Variants in PLB1 observed in about 807,000 individuals in gnomAD.
The protein encoded by PLB1 is phospholipase B1, membrane-associated.
A neutral mutation model predicts 227.4 loss-of-function variants in PLB1; 242 were observed. The observed-to-expected ratio is 1.06, with a 90% CI of 0.96 to 1.18. PLB1 has a LOEUF of 1.18. Among genes scored for constraint, PLB1 ranks in the 50% most tolerant of loss-of-function variants. The pLI is 0.00. For synonymous variants in PLB1, 757 were observed against 682.2 expected, an observed-to-expected ratio of 1.11 and a Z score of -1.71; for missense variants, 1,858 against 1,816.3, an observed-to-expected ratio of 1.02 and a Z score of -0.42.
At chr2:28,596,233 C>T (rs1347105939) in intron 33 of PLB1, among the ~76,000 whole-genome samples, 1 of 152,174 alleles carries the variant, frequency 6.6e-6, no homozygotes, top group Non-Finnish European at 1.5e-5. Context: ...AAATGATATC[C>T]ATCTGAAGGG....
At chr2:28,635,452 A>G (rs1310088793) in intron 56 of PLB1, among the ~76,000 whole-genome samples, 1 of 152,198 alleles carries the variant, frequency 6.6e-6, no homozygotes, top group Non-Finnish European at 1.5e-5. Flanking sequence ...AAGGGGGATT[A>G]CAGACCAGGT....
intron 39 of PLB1, 114 bp downstream of exon 39, chr2:28,603,035 T>C: frequency 1.1e-6 from 1 of 894,150 alleles, no homozygotes; most frequent in Non-Finnish European, 1.7e-6. Context: ...TGTGTCCAAG[T>C]CTGTAAAGGA....
chr2:28,566,966 G>GA (rs1677047823), intron 20 of PLB1, 127 bp downstream of exon 20: 1 of 1,107,968 alleles, frequency 9.0e-7, no homozygotes, highest in African/African-American at 1.5e-5. Context: ...TTCACCAGGG[G>GA]GCGCTGCCTC....
At chr2:28,630,857 G>C (rs1396484067) in intron 54 of PLB1, among the ~76,000 whole-genome samples, 193 bp downstream of exon 54, 1 of 152,124 alleles carries the variant, frequency 6.6e-6, no homozygotes, top group Non-Finnish European at 1.5e-5. Context: ...CCCCAAAGTG[G>C]AAGCTGAGAA....
In PLB1 at chr2:28,589,666, G is replaced by A. The variant is rs372137863; in HGVS notation, c.1921-9G>A. ...TATAACTGCCTCTCTTTTTCTGCCCGGTGACCAGGAAGGATTGCCTGACAA... is the reference window on the plus strand; with the variant it reads ...TATAACTGCCTCTCTTTTTCTGCCCAGTGACCAGGAAGGATTGCCTGACAA... On this transcript the variant is annotated splice_polypyrimidine_tract_variant and intron_variant, in intron 27 of 57. Transcript: ENST00000327757. The A allele has an allele frequency of 2.4e-5, 39 of 1,613,596 alleles. No individual in the cohort carries two copies. Among genetic ancestry groups the A allele is most frequent in the Non-Finnish European group, 2.9e-5 (34 of 1,179,718 alleles).
Position 28,629,147 on chromosome 2 carries a change from C to T in PLB1, c.3780C>T (p.Tyr1260=). 6.2e-7 allele frequency: 1 copy of T among 1,613,858 alleles called. No individual in the cohort carries two copies. Among genetic ancestry groups the T allele is most frequent in the Non-Finnish European group, 8.5e-7 (1 of 1,179,896 alleles). Residue 1260 remains tyrosine, a synonymous_variant, in exon 53 of 58, where the codon TAC becomes TAT. Transcript: ENST00000327757. ...AGGTCATGGAGCTGGCTAGCCTGTACCAGGGCCAAGGCGGGAAATGTGCCA... is the reference window on the plus strand; with the variant it reads ...AGGTCATGGAGCTGGCTAGCCTGTATCAGGGCCAAGGCGGGAAATGTGCCA... ...VVEVMELASL[Y]QGQGGKCAML...
At chr2:28,567,500 T>C (rs1356943339) in intron 20 of PLB1, among the ~76,000 whole-genome samples, 1 of 125,484 alleles carries the variant, frequency 8.0e-6, no homozygotes, top group Admixed American at 9.1e-5. Flanking sequence ...TGAGATGGAG[T>C]CTCACTCTGT....
rs6738334 is a variant in PLB1 at position 28,644,062 on chromosome 2, A to G, written c.*1001A>G. Among the ~76,000 whole-genome samples the G allele has an allele frequency of 0.41, 62,298 of 152,146 alleles. 12,931 individuals carry two copies. The highest frequency in any genetic ancestry group is 0.48 in the African/African-American group (19,768 of 41,504). ...ACACCGTGAATGTACTAAACGCCGC[A>G]AATTGTTCCATTTAAAATGATTAAT... On this transcript the variant is annotated 3_prime_UTR_variant, in exon 58 of 58. Coordinates refer to ENST00000327757, the MANE Select transcript of PLB1 (RefSeq NM_153021.5).
intron 21 of PLB1, 63 bp from the exon 22 acceptor site, chr2:28,578,044 C>T: frequency 6.6e-7 from 1 of 1,521,268 alleles, no homozygotes; most frequent in South Asian, 1.1e-5. Context: ...TTGCTGTTCT[C>T]TCTGCTAAGG....
intron 16 of PLB1, among the ~76,000 whole-genome samples, chr2:28,551,670 C>G (rs1291447148): frequency 6.6e-6 from 1 of 152,206 alleles, no homozygotes. Context: ...CTTATGGGCT[C>G]TGTGTCAATG....
Position 28,569,389 on chromosome 2 carries a change from A to T in PLB1, c.1324+2550A>T, listed in dbSNP as rs370357413. Reference sequence around the variant, plus strand: ...CCCTGCTCTCAGGATGGCTCAGCCAAGTTGGAAAGATGAAAAAGTGAAAAG... The same window carrying T: ...CCCTGCTCTCAGGATGGCTCAGCCATGTTGGAAAGATGAAAAAGTGAAAAG... On this transcript the variant is annotated intron_variant, in intron 20 of 57. Transcript: ENST00000327757. Among the ~76,000 whole-genome samples, 5 of 152,310 alleles carry T rather than the reference A, an allele frequency of 3.3e-5. No homozygotes were observed. In the East Asian group the frequency reaches 9.6e-4, roughly 29 times the overall value.
intron 1 of PLB1, among the ~76,000 whole-genome samples, chr2:28,501,183 CCTT>C (rs756034699): frequency 5.9e-5 from 9 of 152,224 alleles, no homozygotes; most frequent in Admixed American, 5.2e-4. Flanking sequence ...TTTTTCATCT[CCTT>C]CTTTCATTCC....
chr2:28,631,426 G>A (rs1232489280), intron 54 of PLB1, among the ~76,000 whole-genome samples: 1 of 152,150 alleles, frequency 6.6e-6, no homozygotes, highest in Non-Finnish European at 1.5e-5. Context: ...CATTCAGTCT[G>A]TACTTGATGG....
chr2:28,621,495 C>A (rs1573495946), intron 49 of PLB1, among the ~76,000 whole-genome samples: 1 of 152,218 alleles, frequency 6.6e-6, no homozygotes, highest in Non-Finnish European at 1.5e-5. Flanking sequence ...GATGTCAGGG[C>A]CCCCAAAACA....
At chr2:28,630,017 G>T (rs941190741) in intron 53 of PLB1, among the ~76,000 whole-genome samples, 2 of 152,138 alleles carry the variant, frequency 1.3e-5, no homozygotes, top group Non-Finnish European at 2.9e-5. Flanking sequence ...CGCAGGGAAC[G>T]GCTCCTCCAG....
At chr2:28,604,810 G>A (rs1208098629) in intron 41 of PLB1, 51 bp downstream of exon 41, 1 of 1,520,192 alleles carries the variant, frequency 6.6e-7, no homozygotes, top group East Asian at 2.3e-5. Flanking sequence ...AGAAATGCAA[G>A]GCAGAATTGC....
At position 28,594,304 on chromosome 2, in the gene PLB1, C is replaced by T. The variant is rs983097716; in HGVS notation, c.2321+550C>T. 26 of 245,610 alleles carry T rather than the reference C, an allele frequency of 1.1e-4. No homozygotes were observed. The East Asian group carries it at 1.4e-3, about 14-fold the overall frequency. The allele number at this position is 245,610 out of a possible 1,614,324, so 15.2% of individuals were successfully genotyped here. ...GAGGAAAGGGTGAGAAAGGGCATCC[C>T]GAACACGGAAGTGGAGAAGCTCAGG... is the stretch of plus-strand genomic sequence containing the variant. On this transcript the variant is annotated intron_variant, in intron 33 of 57. Transcript: ENST00000327757.
chr2:28,529,449 A>G, intron 7 of PLB1, 42 bp downstream of exon 7: 3 of 1,469,436 alleles, frequency 2.0e-6, no homozygotes, highest in Non-Finnish European at 2.9e-6. Flanking sequence ...ATGTGTTCCT[A>G]CTGGTCTTCA....
At chr2:28,556,367 C>G (rs1325982864) in intron 17 of PLB1, among the ~76,000 whole-genome samples, 2 of 152,172 alleles carry the variant, frequency 1.3e-5, no homozygotes, top group Non-Finnish European at 2.9e-5. Context: ...TATCCACTGA[C>G]TTACGGGGCC....
Sources: allele counts gnomAD v4.1 joint callset (sites outside exome capture counted in the v4.1 genomes callset), GRCh38; gene constraint gnomAD v4.1.1; transcripts MANE v1.5; gene names NCBI Gene and HGNC (gene_info 2026-07-23, HGNC 2026-07-21).